CHKA: variants seen among roughly 807,000 people sequenced by gnomAD.
CHKA encodes CHETK-alpha.
In CHKA, 34 loss-of-function variants were observed where a neutral mutation model predicts 60.1. That is an observed-to-expected ratio of 0.57 (90% confidence interval 0.43 to 0.75). The LOEUF (loss-of-function observed/expected upper bound fraction) is 0.75, where lower values mean the gene tolerates loss of function less well. Among genes scored for constraint, CHKA ranks in the 30% least tolerant of loss-of-function variants. The pLI is 0.00. For synonymous variants in CHKA, 217 were observed against 223.1 expected, an observed-to-expected ratio of 0.97 and a Z score of 0.24; for missense variants, 563 against 561.3, an observed-to-expected ratio of 1.00 and a Z score of -0.03.
intron 7 of CHKA, 124 bp downstream of exon 7, chr11:68,068,755 G>C: frequency 1.6e-6 from 1 of 630,508 alleles, no homozygotes; most frequent in Admixed American, 2.4e-5. Context: ...CTCATTGTCT[G>C]GTTGTATCAT....
At chr11:68,102,804 A>C (rs1474537355) in intron 1 of CHKA, among the ~76,000 whole-genome samples, 1 of 152,214 alleles carries the variant, frequency 6.6e-6, no homozygotes, top group Non-Finnish European at 1.5e-5. Context: ...ACATCAGTTA[A>C]GGGGATAATA....
intron 2 of CHKA, among the ~76,000 whole-genome samples, chr11:68,095,262 G>A (rs1857460898): frequency 6.6e-6 from 1 of 151,474 alleles, no homozygotes; most frequent in Admixed American, 6.6e-5. Flanking sequence ...AATTAGCCAG[G>A]CGTGGTGGCG....
intron 2 of CHKA, among the ~76,000 whole-genome samples, chr11:68,092,654 C>T (rs1341700684): frequency 6.6e-6 from 1 of 152,128 alleles, no homozygotes; most frequent in Admixed American, 6.5e-5. Context: ...CTCATGTTGT[C>T]ACAGTACTCC....
intron 1 of CHKA, among the ~76,000 whole-genome samples, chr11:68,107,474 A>T (rs1267697353): frequency 6.6e-6 from 1 of 152,040 alleles, no homozygotes; most frequent in African/African-American, 2.4e-5. Context: ...TTCAGTTAAC[A>T]GTAGTGCCTT....
chr11:68,076,162 C>T (rs1045885566), intron 3 of CHKA, among the ~76,000 whole-genome samples: 3 of 152,178 alleles, frequency 2.0e-5, no homozygotes, highest in Admixed American at 6.5e-5. Context: ...AACCATCATT[C>T]GTATAATCCT....
At chr11:68,108,395 G>A (rs546510674) in intron 1 of CHKA, among the ~76,000 whole-genome samples, 5 of 152,252 alleles carry the variant, frequency 3.3e-5, no homozygotes, top group South Asian at 2.1e-4. Flanking sequence ...CTTAGAAGTC[G>A]CCACCTGATC....
intron 11 of CHKA, among the ~76,000 whole-genome samples, chr11:68,060,042 T>TTTTTTTTTTTTTTG (rs1412983156): frequency 6.6e-6 from 1 of 150,586 alleles, no homozygotes; most frequent in Non-Finnish European, 1.5e-5. Context: ...CTTTTTTTTT[T>TTTTTTTTTTTTTTG]GAGACCCAGA....
chr11:68,082,716 C>T (rs1857023965), intron 2 of CHKA, among the ~76,000 whole-genome samples: 1 of 152,150 alleles, frequency 6.6e-6, no homozygotes. Context: ...AAATAAGTAT[C>T]CATGTTCATA....
intron 1 of CHKA, among the ~76,000 whole-genome samples, chr11:68,115,025 G>A (rs923942738): frequency 5.3e-5 from 8 of 152,078 alleles, no homozygotes; most frequent in South Asian, 2.1e-4. Context: ...ATATGTATTC[G>A]GAAGAAACCA....
rs575873912 is a variant in CHKA, at chr11:68,103,364, TA to T, written c.351-6235del. ...GAGCAAGACCCTGTCTCAGTAAATT[TA>T]AAAAAAATAAAATAAATGGCCAACA... On this transcript the variant is annotated intron_variant, in intron 1 of 11. Transcript: ENST00000265689. 6.0e-3 allele frequency among the ~76,000 whole-genome samples: 904 copies of T among 150,772 alleles called. 5 individuals carry two copies. The highest frequency in any genetic ancestry group is 0.02 in the African/African-American group (833 of 41,054).
At chr11:68,079,076 G>A (rs1028534865) in intron 3 of CHKA, among the ~76,000 whole-genome samples, 3 of 151,636 alleles carry the variant, frequency 2.0e-5, no homozygotes, top group African/African-American at 7.3e-5. Context: ...TAGGACTATA[G>A]GCATTCACTA....
At chr11:68,109,086 C>CTTT (rs1040771984) in intron 1 of CHKA, among the ~76,000 whole-genome samples, 27 of 130,590 alleles carry the variant, frequency 2.1e-4, no homozygotes, top group Non-Finnish European at 2.5e-4. Context: ...TTTTCTTTTC[C>CTTT]TTTTTTTTTT....
chr11:68,054,159 A>C, intron 11 of CHKA, 112 bp from the exon 12 acceptor site: 3 of 865,872 alleles, frequency 3.5e-6, no homozygotes, highest in Non-Finnish European at 5.6e-6. Flanking sequence ...GACCCATGAG[A>C]CCAAAAGCAC....
intron 2 of CHKA, among the ~76,000 whole-genome samples, chr11:68,087,551 T>C (rs1016665834): frequency 2.0e-5 from 3 of 151,878 alleles, no homozygotes; most frequent in African/African-American, 7.3e-5. Flanking sequence ...TGGTGGCTGC[T>C]GAACTAAAAT....
In CHKA at chr11:68,104,267, T is replaced by G. The variant is rs539748768; in HGVS notation, c.351-7137A>C. On this transcript the variant is annotated intron_variant, in intron 1 of 11. Transcript: ENST00000265689. The stretch of plus-strand genomic sequence containing the variant: ...GACAGTAACAATGTGATCTCACTTG[T>G]GTAGAATCTAAAAAAGTTGATCTCA... Among the ~76,000 whole-genome samples the G allele has an allele frequency of 2.0e-5, 3 of 152,074 alleles. No homozygotes were observed. The South Asian group carries it at 6.2e-4, about 32-fold the overall frequency.
At chr11:68,078,016 G>A (rs538237072) in intron 3 of CHKA, among the ~76,000 whole-genome samples, 1 of 152,280 alleles carries the variant, frequency 6.6e-6, no homozygotes, top group East Asian at 1.9e-4. Flanking sequence ...TCAACATGTT[G>A]TTGATGTTTA....
Position 68,081,282 on chromosome 11 carries a change from G to C in CHKA, c.516+122C>G. ...ATAGATATACCAAGAGCCCCTCCTC[G>C]TAGAAAGATAGATCAGGATTTTCCA... On this transcript the variant is annotated intron_variant, in intron 3 of 11. Transcript: ENST00000265689. 4.1e-6 allele frequency: 3 copies of C among 727,258 alleles called. No homozygotes were observed. In the South Asian group the frequency reaches 5.2e-5, roughly 13 times the overall value. The allele number at this position is 727,258 out of a possible 1,614,324, so 45.1% of individuals were successfully genotyped here. A position where few individuals can be genotyped will look rare whatever the true frequency, so the allele number is the denominator to read the frequency against.
chr11:68,083,522 C>CT (rs1289171858), intron 2 of CHKA, among the ~76,000 whole-genome samples: 2 of 152,202 alleles, frequency 1.3e-5, no homozygotes, highest in Non-Finnish European at 2.9e-5. Flanking sequence ...TGTTGTTACT[C>CT]TAACTGTATC....
At chr11:68,084,344 ATG>A (rs1401263735) in intron 2 of CHKA, among the ~76,000 whole-genome samples, 17 of 139,472 alleles carry the variant, frequency 1.2e-4, no homozygotes, top group Non-Finnish European at 9.4e-5. Context: ...ACGTATATAT[ATG>A]TGTATATATA....
Sources: gnomAD v4.1 joint callset for allele counts (sites outside exome capture counted in the v4.1 genomes callset) on GRCh38, gnomAD v4.1.1 for gene constraint, MANE v1.5 for transcripts, NCBI Gene and HGNC (gene_info 2026-07-23, HGNC 2026-07-21) for gene names.